The following NHSL1 variants were observed in gnomAD, a reference collection of about 807,000 sequenced individuals.
NHSL1 encodes the protein NHS-like protein 1.
Under a neutral mutation model 95.0 loss-of-function variants are expected in NHSL1, and 48 were observed. The observed-to-expected ratio is 0.51, with a 90% CI of 0.40 to 0.64. NHSL1 has a LOEUF of 0.64. Among genes scored for constraint, NHSL1 ranks in the 30% least tolerant of loss-of-function variants. The pLI, the probability that NHSL1 is intolerant of heterozygous loss-of-function variation, is 0.00. For synonymous variants in NHSL1, 783 were observed against 833.9 expected, an observed-to-expected ratio of 0.94 and a Z score of 1.05; for missense variants, 1,971 against 2,077.7, an observed-to-expected ratio of 0.95 and a Z score of 1.00.
At chr6:138,461,323 G>A (rs80281531) in intron 3 of NHSL1, among the ~76,000 whole-genome samples, 20,626 of 152,144 alleles carry the variant, frequency 0.14, 1,429 homozygotes, top group Middle Eastern at 0.17. Context: ...TTGGGACTCA[G>A]TGAAATCACC....
At chr6:138,595,264 G>A (rs1784288140) in intron 1 of NHSL1, among the ~76,000 whole-genome samples, 1 of 152,198 alleles carries the variant, frequency 6.6e-6, no homozygotes, top group Admixed American at 6.5e-5. Flanking sequence ...CCACTAAGAA[G>A]AGGAAGAGAG....
intron 1 of NHSL1, among the ~76,000 whole-genome samples, chr6:138,652,659 C>T (rs1289822495): frequency 2.6e-5 from 4 of 152,054 alleles, no homozygotes; most frequent in African/African-American, 7.2e-5. Context: ...ACACACACTG[C>T]AAAACAAATT....
intron 1 of NHSL1, among the ~76,000 whole-genome samples, chr6:138,531,213 T>A (rs1389548187): frequency 6.6e-6 from 1 of 152,206 alleles, no homozygotes; most frequent in African/African-American, 2.4e-5. Context: ...AAAATTAAAC[T>A]GTTTGTCTGC....
upstream of NHSL1, chr6:138,499,501 C>T (rs1459229808): frequency 1.7e-6 from 2 of 1,156,098 alleles, no homozygotes; most frequent in Non-Finnish European, 1.1e-6. Context: ...ACCTGAAAAA[C>T]TCCTACTGAA....
chr6:138,452,706 C>T (rs1243806212), intron 3 of NHSL1, among the ~76,000 whole-genome samples: 1 of 152,132 alleles, frequency 6.6e-6, no homozygotes, highest in Non-Finnish European at 1.5e-5. Flanking sequence ...TTTCAAGATC[C>T]TTAATAGTTT....
intron 1 of NHSL1, among the ~76,000 whole-genome samples, chr6:138,536,236 G>A (rs1782338243): frequency 1.3e-5 from 2 of 152,134 alleles, no homozygotes; most frequent in Non-Finnish European, 2.9e-5. Flanking sequence ...CCATTCTATG[G>A]TTTCACAAAG....
At chr6:138,621,791 C>G (rs146366734) in intron 1 of NHSL1, among the ~76,000 whole-genome samples, 99 of 152,304 alleles carry the variant, frequency 6.5e-4, no homozygotes, top group Non-Finnish European at 1.2e-3. Context: ...CCCAGATATA[C>G]CCAGTCTGTA....
intron 2 of NHSL1, among the ~76,000 whole-genome samples, 183 bp from the exon 3 acceptor site, chr6:138,473,616 C>A (rs1025249331): frequency 1.3e-5 from 2 of 151,928 alleles, no homozygotes; most frequent in Admixed American, 1.3e-4. Flanking sequence ...CACTACATAC[C>A]ATATATCAAT....
At chr6:138,547,263 T>C (rs1782835075), upstream of NHSL1, among the ~76,000 whole-genome samples, 1 of 151,740 alleles carries the variant, frequency 6.6e-6, no homozygotes, top group South Asian at 2.1e-4. Context: ...CATAAGGAAG[T>C]CACTGTACTA....
intron 7 of NHSL1, among the ~76,000 whole-genome samples, chr6:138,425,623 G>A (rs556189048): frequency 6.6e-5 from 10 of 152,216 alleles, no homozygotes; most frequent in Non-Finnish European, 1.0e-4. Context: ...TCTCCTAGAC[G>A]GGCTGATCCG....
chr6:138,510,526 A>G (rs1308756639), intron 1 of NHSL1, among the ~76,000 whole-genome samples: 1 of 152,244 alleles, frequency 6.6e-6, no homozygotes, highest in South Asian at 2.1e-4. Context: ...TTCTCCAAAC[A>G]GCAAAATCAC....
rs146861634 is a variant in NHSL1 at position 138,605,508 on chromosome 6, G to A, written c.96+86968C>T. Among the ~76,000 whole-genome samples the A allele has an allele frequency of 2.2e-3, 331 of 152,262 alleles. 3 individuals carry two copies. Among genetic ancestry groups the A allele is most frequent in the East Asian group, 0.014 (71 of 5,192 alleles). ...TTAAAATACTGTGGCAGTCAAAAAT[G>A]GAACAGATTTTCATCAGCTCAAAGC... On this transcript the variant is annotated intron_variant, in intron 1 of 3. Coordinates refer to the NHSL1 transcript ENST00000491526.
intron 3 of NHSL1, among the ~76,000 whole-genome samples, chr6:138,470,923 C>T (rs565781842): frequency 5.8e-4 from 88 of 152,238 alleles, no homozygotes; most frequent in Non-Finnish European, 1.2e-3. Flanking sequence ...GTAATTATTA[C>T]GGAAACATTT....
chr6:138,542,118 C>T (rs570997303), intron 1 of NHSL1, among the ~76,000 whole-genome samples: 2 of 152,290 alleles, frequency 1.3e-5, no homozygotes, highest in African/African-American at 4.8e-5. Context: ...TAAGTGGTGT[C>T]CTTTTAAGAA....
chr6:138,424,547 G>A lies in NHSL1; in HGVS notation c.4355C>T (p.Ser1452Leu), dbSNP rs1775129536. The change falls in exon 8 of 8, where the codon TCG (serine) becomes TTG (leucine). Residue 1452 changes from serine to leucine, a missense_variant. By Grantham distance (145) the Ser-to-Leu change is moderately radical. Around this residue, in one of 3 missense-constraint regions of NHSL1, gnomAD observed 146 missense variants for 206.3 expected, o/e 0.71. Coordinates refer to ENST00000343505, the MANE Select transcript of NHSL1 (RefSeq NM_001144060.2). The surrounding 1 kb of genome is among the most constrained non-coding windows in gnomAD (Gnocchi z 5.9). ...LKNTDPRFQR[S>L]RSEPSPDAPE... ...GGCATCTGGGGAAGGCTCTGACCTC[G>A]ACCTCTGGAATCTAGGGTCTGTGTT... 1 of 1,551,658 alleles carries A rather than the reference G, an allele frequency of 6.4e-7. No individual in the cohort carries two copies. Among genetic ancestry groups the A allele is most frequent in the Non-Finnish European group, 8.7e-7 (1 of 1,146,988 alleles).
intron 1 of NHSL1, among the ~76,000 whole-genome samples, chr6:138,586,712 G>C (rs1237234102): frequency 6.6e-6 from 1 of 152,202 alleles, no homozygotes; most frequent in Non-Finnish European, 1.5e-5. Context: ...GTAGTGGGGA[G>C]AGTGTGAAAG....
chr6:138,662,683 T>C (rs1785242066), intron 1 of NHSL1, among the ~76,000 whole-genome samples: 1 of 152,220 alleles, frequency 6.6e-6, no homozygotes, highest in African/African-American at 2.4e-5. Context: ...CTTGAGTATT[T>C]TGTTCAAACA....
intron 1 of NHSL1, among the ~76,000 whole-genome samples, chr6:138,619,947 CAA>C (rs11376703): frequency 0.27 from 27,691 of 101,658 alleles, 2,151 homozygotes; most frequent in South Asian, 0.35. Flanking sequence ...AACTCTATCA[CAA>C]AAAAAAAAAA....
chr6:138,563,317 A>C (rs551363770), intron 1 of NHSL1, among the ~76,000 whole-genome samples: 30 of 152,304 alleles, frequency 2.0e-4, no homozygotes, highest in South Asian at 1.9e-3. Flanking sequence ...TTCAGACATG[A>C]CTTTCAATTT....
Sources: gnomAD v4.1 joint callset for allele counts (sites outside exome capture counted in the v4.1 genomes callset) on GRCh38, gnomAD v4.1.1 for gene constraint, gnomAD v4.1.1 regional missense constraint, Gnocchi (gnomAD v3.1) non-coding constraint, MANE v1.5 for transcripts, NCBI Gene and HGNC (gene_info 2026-07-23, HGNC 2026-07-21) for gene names.